Variants in MTHFSD observed in about 807,000 individuals in gnomAD.
The protein encoded by MTHFSD is methenyltetrahydrofolate synthetase domain containing.
MTHFSD carries 37 observed loss-of-function variants against 31.1 expected under a neutral mutation model. The ratio of observed to expected loss-of-function variants is 1.19; its 90% confidence interval spans 0.91 to 1.56. The LOEUF is 1.56. MTHFSD is among the 40% of genes most tolerant of loss of function. The pLI, the probability that MTHFSD is intolerant of heterozygous loss-of-function variation, is 0.00. For synonymous variants in MTHFSD, 221 were observed against 206.9 expected, an observed-to-expected ratio of 1.07 and a Z score of -0.59; for missense variants, 664 against 510.1, an observed-to-expected ratio of 1.30 and a Z score of -2.91.
chr16:86,532,393 C>A lies in MTHFSD; in HGVS notation c.770G>T (p.Gly257Val). Residue 257 changes from glycine (G) to valine (V), a missense_variant, in exon 8 of 8, where the codon GGT becomes GTT. By Grantham distance (109) the Gly-to-Val change is moderately radical (BLOSUM62 -3). Coordinates refer to ENST00000360900, the MANE Select transcript of MTHFSD (RefSeq NM_001159377.2). ...QQAGKDVTLQ[G>V]EHQHLPEPGC... ...TGGTTCCGGAAGGTGCTGGTGCTCA[C>A]CCTGGAGGGTGACATCCTTCCCAGC... is the stretch of plus-strand genomic sequence containing the variant. 1 of 1,546,226 alleles carries A rather than the reference C, an allele frequency of 6.5e-7. No homozygotes were observed. The highest frequency in any genetic ancestry group is 1.7e-4 in the Middle Eastern group (1 of 5,860).
intron 7 of MTHFSD, among the ~76,000 whole-genome samples, chr16:86,536,366 C>T (rs1320070176): frequency 6.6e-6 from 1 of 152,230 alleles, no homozygotes; most frequent in African/African-American, 2.4e-5. Flanking sequence ...ACATAAACGC[C>T]AGGCAGGCCT....
chr16:86,546,233 A>C (rs1433739100), intron 5 of MTHFSD, among the ~76,000 whole-genome samples: 2 of 152,242 alleles, frequency 1.3e-5, no homozygotes, highest in Non-Finnish European at 2.9e-5. Context: ...CTCCAAAACC[A>C]ACTATTTACT....
chr16:86,538,829 A>G (rs1971076820), intron 7 of MTHFSD, among the ~76,000 whole-genome samples: 1 of 152,184 alleles, frequency 6.6e-6, no homozygotes, highest in Admixed American at 6.5e-5. Context: ...TTTTCAGGGT[A>G]CGGTGACTGG....
At chr16:86,535,522 T>C (rs1481904308) in intron 7 of MTHFSD, 1 of 985,256 alleles carries the variant, frequency 1.0e-6, no homozygotes, top group South Asian at 4.7e-5. Context: ...CAATCTGGCA[T>C]GTGAAGTGAA....
Position 86,532,237 on chromosome 16 carries a change from TA to T in MTHFSD, c.925del (p.Tyr309ThrfsTer11). 1 of 1,570,882 alleles carries T rather than the reference TA, an allele frequency of 6.4e-7. No homozygotes were observed. The stretch of plus-strand genomic sequence containing the variant: ...GGCGTCCCCGGGGAGGTTCCCAACG[TA>T]AACATCGGCTGCAAGCGGGGCACCC... ...GEGAPLAADV[Y>X]VGNLPGDARV... On this transcript the variant is annotated frameshift_variant, in exon 8 of 8. Transcript: ENST00000360900. LOFTEE classifies it low-confidence loss of function (END_TRUNC).
At position 86,532,275 on chromosome 16, in the gene MTHFSD, GGAGC is replaced by G; in HGVS notation, c.884_887del (p.Gly295AlafsTer24). On this transcript the variant is annotated frameshift_variant, in exon 8 of 8. Transcript: ENST00000360900. LOFTEE classifies it low-confidence loss of function (END_TRUNC). Reference sequence around the variant, plus strand: ...CAAGCGGGGCACCCTCCCCTGGTGGGGAGCCAGGGGCTGCCTCCATGGAATTGGT... The same window carrying G: ...CAAGCGGGGCACCCTCCCCTGGTGGGCAGGGGCTGCCTCCATGGAATTGGT... The G allele has an allele frequency of 6.4e-7, 1 of 1,566,842 alleles. No individual in the cohort carries two copies. Among genetic ancestry groups the G allele is most frequent in the Admixed American group, 1.9e-5 (1 of 52,030 alleles).
intron 7 of MTHFSD, among the ~76,000 whole-genome samples, chr16:86,539,940 C>T (rs1971259156): frequency 1.3e-5 from 2 of 152,198 alleles, no homozygotes; most frequent in Admixed American, 1.3e-4. Flanking sequence ...ACCTATAAAC[C>T]TATCACTATA....
chr16:86,540,966 G>C, intron 7 of MTHFSD: 1 of 1,171,710 alleles, frequency 8.5e-7, no homozygotes, highest in South Asian at 1.7e-5. Context: ...AGGTGATGTT[G>C]TTAATTTTCC....
At chr16:86,552,893 A>G (rs1354532641) in intron 2 of MTHFSD, among the ~76,000 whole-genome samples, 1 of 152,220 alleles carries the variant, frequency 6.6e-6, no homozygotes, top group Non-Finnish European at 1.5e-5. Flanking sequence ...TAAGTCCTTC[A>G]GGGCAGAGAG....
chr16:86,554,633 A>G lies in MTHFSD; in HGVS notation c.123+12T>C, dbSNP rs751658654. ...TGTTTTCCTTTTCTGGACTCCAGAA[A>G]TATGTCAGTACCTTAAAGTTGGGTA... is the stretch of plus-strand genomic sequence containing the variant. On this transcript the variant is annotated intron_variant, in intron 2 of 7. Coordinates refer to ENST00000360900, the MANE Select transcript of MTHFSD (RefSeq NM_001159377.2). 3.4e-5 allele frequency: 54 copies of G among 1,595,446 alleles called. No individual in the cohort carries two copies. The highest frequency in any genetic ancestry group is 4.2e-5 in the Non-Finnish European group (49 of 1,167,716).
rs1393660490 is a variant in MTHFSD at position 86,536,722 on chromosome 16, C to A, written c.682-4241G>T. Among the ~76,000 whole-genome samples the A allele has an allele frequency of 2.0e-5, 3 of 152,252 alleles. No homozygotes were observed. In the South Asian group the frequency reaches 6.2e-4, roughly 31 times the overall value. ...CCTTAAAACTGACGCTGCGAAATGC[C>A]AGCTTCCATCTGCACGCCTTGGCTC... On this transcript the variant is annotated intron_variant, in intron 7 of 7. Transcript: ENST00000360900.
chr16:86,545,713 C>T (rs947796621), intron 5 of MTHFSD, among the ~76,000 whole-genome samples: 1 of 152,166 alleles, frequency 6.6e-6, no homozygotes, highest in Non-Finnish European at 1.5e-5. Flanking sequence ...GCACTGAGCA[C>T]GTCACGTCCT....
At chr16:86,551,329 CT>C (rs1973111635) in intron 3 of MTHFSD, among the ~76,000 whole-genome samples, 1 of 152,086 alleles carries the variant, frequency 6.6e-6, no homozygotes, top group African/African-American at 2.4e-5. Context: ...TAACCGATAC[CT>C]TTTGAGGGTA....
chr16:86,545,210 TA>T lies in MTHFSD; in HGVS notation c.442+1348del, dbSNP rs533323958. On this transcript the variant is annotated intron_variant, in intron 5 of 7. Coordinates refer to ENST00000360900, the MANE Select transcript of MTHFSD (RefSeq NM_001159377.2). ...CATCCTACACATGTATCCCGGAACT[TA>T]AAAAAAAAAGATATCTGTGTCTCAC... Among the ~76,000 whole-genome samples, 406 of 149,122 alleles carry T rather than the reference TA, an allele frequency of 2.7e-3. 5 individuals carry two copies. Among genetic ancestry groups the T allele is most frequent in the Non-Finnish European group, 4.2e-3 (278 of 66,982 alleles).
rs777639141 is a variant in MTHFSD, at chr16:86,546,653, C to A, written c.352-4G>T. ...GGACACTGTAGTTCCTCACACCCTG[C>A]ACACAGAGATACGGATTGGAAAACT... On this transcript the variant is annotated splice_region_variant and splice_polypyrimidine_tract_variant and intron_variant, in intron 4 of 7. Transcript: ENST00000360900. 7.4e-6 allele frequency: 12 copies of A among 1,611,278 alleles called. No individual in the cohort carries two copies. Among genetic ancestry groups the A allele is most frequent in the Non-Finnish European group, 9.3e-6 (11 of 1,177,830 alleles).
rs750543614 is a variant in MTHFSD, at chr16:86,546,556, T to C, written c.442+3A>G. 11 of 1,613,700 alleles carry C rather than the reference T, an allele frequency of 6.8e-6. No individual in the cohort carries two copies. The highest frequency in any genetic ancestry group is 8.5e-6 in the Non-Finnish European group (10 of 1,179,902). On this transcript the variant is annotated splice_donor_region_variant and intron_variant, in intron 5 of 7. Coordinates refer to ENST00000360900, the MANE Select transcript of MTHFSD (RefSeq NM_001159377.2). ...CTCAAGGGTTCCCATCTGCTAGTCT[T>C]ACCTTTTTCAGAAACGGCGACGGAT...
chr16:86,550,906 C>G (rs1436895872), intron 3 of MTHFSD, among the ~76,000 whole-genome samples: 1 of 152,174 alleles, frequency 6.6e-6, no homozygotes, highest in Non-Finnish European at 1.5e-5. Context: ...GAAAGTGCCC[C>G]TCTCACCAGG....
intron 5 of MTHFSD, among the ~76,000 whole-genome samples, chr16:86,546,014 T>C (rs1345999969): frequency 6.6e-6 from 1 of 152,206 alleles, no homozygotes; most frequent in East Asian, 1.9e-4. Context: ...AAGGGCCCCC[T>C]GGCCTTGTGG....
At chr16:86,537,995 G>A (rs1348613746) in intron 7 of MTHFSD, among the ~76,000 whole-genome samples, 2 of 152,228 alleles carry the variant, frequency 1.3e-5, no homozygotes, top group Non-Finnish European at 2.9e-5. Context: ...CAGGACGGGT[G>A]AGAAGATGTG....
Sources: gnomAD v4.1 joint callset for allele counts (sites outside exome capture counted in the v4.1 genomes callset) on GRCh38, gnomAD v4.1.1 for gene constraint, MANE v1.5 for transcripts, NCBI Gene and HGNC (gene_info 2026-07-23, HGNC 2026-07-21) for gene names.